The following GLT1D1 variants were observed in gnomAD, a reference collection of about 807,000 sequenced individuals.
GLT1D1 encodes glycosyltransferase 1 domain-containing protein 1.
Under a neutral mutation model 28.7 loss-of-function variants are expected in GLT1D1, and 21 were observed. The observed-to-expected ratio is 0.73, with a 90% CI of 0.52 to 1.05. The LOEUF (loss-of-function observed/expected upper bound fraction) is 1.05, where lower values mean the gene tolerates loss of function less well. Ranked by LOEUF, GLT1D1 falls within the 50% of genes least tolerant of loss-of-function variation. GLT1D1 has a pLI of 0.00. For synonymous variants in GLT1D1, 147 were observed against 124.8 expected, an observed-to-expected ratio of 1.18 and a Z score of -1.19; for missense variants, 343 against 330.6, an observed-to-expected ratio of 1.04 and a Z score of -0.29.
At chr12:128,870,142 C>T (rs978307857) in intron 1 of GLT1D1, among the ~76,000 whole-genome samples, 2 of 152,050 alleles carry the variant, frequency 1.3e-5, no homozygotes, top group African/African-American at 4.8e-5. Flanking sequence ...AACTCCTGAC[C>T]TCATGTGATC....
intron 7 of GLT1D1, among the ~76,000 whole-genome samples, chr12:128,965,056 G>C (rs565567598): frequency 1.3e-5 from 2 of 152,380 alleles, no homozygotes; most frequent in East Asian, 3.9e-4. Context: ...TGTGGCCTCT[G>C]CCTCCTGGTG....
chr12:128,870,800 T>C (rs1956664084), intron 1 of GLT1D1, among the ~76,000 whole-genome samples: 2 of 152,190 alleles, frequency 1.3e-5, no homozygotes, highest in South Asian at 4.1e-4. Flanking sequence ...GAGACCAGCC[T>C]GCCAACATGG....
chr12:128,910,022 T>C (rs1223463124), intron 4 of GLT1D1, among the ~76,000 whole-genome samples: 2 of 152,276 alleles, frequency 1.3e-5, no homozygotes, highest in East Asian at 3.8e-4. Context: ...ATAAGCCAAT[T>C]GGCTTTTGCC....
At chr12:128,930,655 T>C (rs989551371) in intron 4 of GLT1D1, among the ~76,000 whole-genome samples, 5 of 152,178 alleles carry the variant, frequency 3.3e-5, no homozygotes, top group Non-Finnish European at 7.3e-5. Context: ...TCTGGCTTTT[T>C]CTGGATCAGG....
intron 4 of GLT1D1, among the ~76,000 whole-genome samples, chr12:128,928,783 G>A (rs1188093981): frequency 6.6e-6 from 1 of 151,880 alleles, no homozygotes; most frequent in Non-Finnish European, 1.5e-5. Flanking sequence ...ACCACACCTG[G>A]CTAATTTTTG....
chr12:128,862,987 G>A (rs1956417789), intron 1 of GLT1D1, among the ~76,000 whole-genome samples: 1 of 152,188 alleles, frequency 6.6e-6, no homozygotes, highest in Admixed American at 6.5e-5. Flanking sequence ...GAGGGCGTAG[G>A]GTCCAAGGAA....
chr12:128,894,141 G>A (rs757521935), intron 3 of GLT1D1, among the ~76,000 whole-genome samples: 3 of 152,102 alleles, frequency 2.0e-5, no homozygotes, highest in Non-Finnish European at 2.9e-5. Context: ...CTCCTTCCGC[G>A]TCAGCACTGT....
At chr12:128,941,905 C>CTT (rs60663875) in intron 4 of GLT1D1, among the ~76,000 whole-genome samples, 21 of 75,336 alleles carry the variant, frequency 2.8e-4, no homozygotes, top group African/African-American at 3.9e-4. Context: ...CTCTCTCTCT[C>CTT]TTTTTTTTTT....
chr12:128,936,080 A>G (rs1874523250), intron 4 of GLT1D1, among the ~76,000 whole-genome samples: 1 of 151,906 alleles, frequency 6.6e-6, no homozygotes, highest in Non-Finnish European at 1.5e-5. Flanking sequence ...CGGGGATTCG[A>G]TGAGTGAACA....
At chr12:128,866,304 C>T (rs373430095) in intron 1 of GLT1D1, among the ~76,000 whole-genome samples, 2 of 150,962 alleles carry the variant, frequency 1.3e-5, no homozygotes, top group East Asian at 3.9e-4. Flanking sequence ...CTCCTGACCT[C>T]GTGATCCACC....
intron 4 of GLT1D1, among the ~76,000 whole-genome samples, chr12:128,922,033 G>T (rs1403615191): frequency 6.7e-6 from 1 of 150,250 alleles, no homozygotes; most frequent in Non-Finnish European, 1.5e-5. Context: ...CTGTGTATAT[G>T]AATAGACATT....
At chr12:128,982,887 T>A in intron 7 of GLT1D1, 42 bp from the exon 12 acceptor site, 7 of 1,603,248 alleles carry the variant, frequency 4.4e-6, no homozygotes, top group African/African-American at 1.3e-5. Context: ...AAAATCTCCC[T>A]TCATCAGTGA....
intron 1 of GLT1D1, among the ~76,000 whole-genome samples, chr12:128,862,416 G>C (rs1956405453): frequency 6.6e-6 from 1 of 151,964 alleles, no homozygotes; most frequent in Admixed American, 6.6e-5. Context: ...AACACGTTGG[G>C]AGGCTGAGGC....
rs1956639085 is a variant in GLT1D1 at position 128,869,882 on chromosome 12, C to T, written c.69-6032C>T. On this transcript the variant is annotated intron_variant, in intron 1 of 7. Transcript: ENST00000281703. Reference sequence around the variant, plus strand: ...GACACTTCCTGATCTAGTCACTTTGCCTGTTAGGTGATTGAATTTTTGCAG... The same window carrying T: ...GACACTTCCTGATCTAGTCACTTTGTCTGTTAGGTGATTGAATTTTTGCAG... 4.6e-5 allele frequency among the ~76,000 whole-genome samples: 7 copies of T among 151,904 alleles called. No homozygotes were observed. The South Asian group carries it at 1.5e-3, about 32-fold the overall frequency.
chr12:128,859,936 A>G (rs1299877134), intron 1 of GLT1D1, among the ~76,000 whole-genome samples: 2 of 152,204 alleles, frequency 1.3e-5, no homozygotes, highest in African/African-American at 4.8e-5. Flanking sequence ...TTCTTGGGCA[A>G]AAAATCTGGG....
At chr12:128,902,216 G>A (rs1486079029) in intron 4 of GLT1D1, among the ~76,000 whole-genome samples, 1 of 151,412 alleles carries the variant, frequency 6.6e-6, no homozygotes, top group African/African-American at 2.4e-5. Context: ...AGGTGCAGTG[G>A]CTCATGCCTG....
At chr12:128,915,440 C>T (rs1044630963) in intron 4 of GLT1D1, among the ~76,000 whole-genome samples, 11 of 151,400 alleles carry the variant, frequency 7.3e-5, no homozygotes, top group Admixed American at 5.9e-4. Context: ...TCTAGACTCA[C>T]TGCAGCCTCT....
At chr12:128,897,383 AT>A (rs1263434134) in intron 3 of GLT1D1, among the ~76,000 whole-genome samples, 1 of 152,136 alleles carries the variant, frequency 6.6e-6, no homozygotes, top group Non-Finnish European at 1.5e-5. Context: ...AAATTTTAAT[AT>A]AATCAAAGCT....
Position 128,879,411 on chromosome 12 carries a change from T to C in GLT1D1, c.217+3349T>C, listed in dbSNP as rs1362768599. On this transcript the variant is annotated intron_variant, in intron 2 of 7. Transcript: ENST00000281703. ...CTTTCTTTCTTTCTTTCTTTCTTTCTTTCTTTCTTTCTTTCTTTCTTTCTT... is the reference window on the plus strand; with the variant it reads ...CTTTCTTTCTTTCTTTCTTTCTTTCCTTCTTTCTTTCTTTCTTTCTTTCTT... 1.3e-3 allele frequency among the ~76,000 whole-genome samples: 129 copies of C among 98,278 alleles called. 1 individual carries two copies. The highest frequency in any genetic ancestry group is 5.0e-3 in the African/African-American group (113 of 22,728). The allele number at this position is 98,278 out of a possible 152,430, so 64.5% of individuals were successfully genotyped here. A position where few individuals can be genotyped will look rare whatever the true frequency, so the allele number is the denominator to read the frequency against.
Sources: allele counts gnomAD v4.1 joint callset (sites outside exome capture counted in the v4.1 genomes callset), GRCh38; gene constraint gnomAD v4.1.1; transcripts MANE v1.5; gene names NCBI Gene and HGNC (gene_info 2026-07-23, HGNC 2026-07-21).